Variants in RHPN2 observed in about 807,000 individuals in gnomAD.
RHPN2 encodes rhophilin-2.
RHPN2 carries 40 observed loss-of-function variants against 79.0 expected under a neutral mutation model. The ratio of observed to expected loss-of-function variants is 0.51; its 90% CI spans 0.39 to 0.66. The LOEUF (loss-of-function observed/expected upper bound fraction) is 0.66. RHPN2 is among the 30% of genes least tolerant of loss of function. The probability of loss-of-function intolerance (pLI) is 0.00; values close to 1 mark genes in which losing one functional copy is unlikely to be tolerated. For missense variants in RHPN2, 686 were observed against 883.5 expected (o/e 0.78, Z 2.83); for synonymous variants, 285 against 363.5 (o/e 0.78, Z 2.46).
At chr19:33,031,684 A>G (rs1972013301) in intron 2 of RHPN2, among the ~76,000 whole-genome samples, 1 of 150,344 alleles carries the variant, frequency 6.7e-6, no homozygotes, top group South Asian at 2.1e-4. Flanking sequence ...GCGCCTGGCT[A>G]ACGTAGGTTT....
At chr19:33,032,008 G>A (rs963445103) in intron 2 of RHPN2, among the ~76,000 whole-genome samples, 3 of 144,792 alleles carry the variant, frequency 2.1e-5, no homozygotes, top group Admixed American at 7.1e-5. Flanking sequence ...GTGAGCCACC[G>A]GGCCGGTCTT....
In RHPN2 at chr19:33,017,941, G is replaced by T. The variant is rs575560459; in HGVS notation, c.390+3630C>A. 2.0e-5 allele frequency among the ~76,000 whole-genome samples: 3 copies of T among 152,044 alleles called. No homozygotes were observed. In the East Asian group the frequency reaches 5.8e-4, roughly 29 times the overall value. On this transcript the variant is annotated intron_variant, in intron 4 of 14. Transcript: ENST00000254260. ...GAGCCTGAGGCAGGTGTATCATGAG[G>T]TCAGGAGTTCAAGATCAGCCTGGCC...
chr19:33,037,945 G>A (rs567481557), intron 2 of RHPN2, among the ~76,000 whole-genome samples: 1 of 152,142 alleles, frequency 6.6e-6, no homozygotes, highest in African/African-American at 2.4e-5. Flanking sequence ...GCTCACAGCT[G>A]TCATCGCAGC....
At chr19:33,038,051 T>C (rs924411275) in intron 2 of RHPN2, among the ~76,000 whole-genome samples, 1 of 151,906 alleles carries the variant, frequency 6.6e-6, no homozygotes, top group Non-Finnish European at 1.5e-5. Flanking sequence ...AAAAAATTTT[T>C]AAAATTAGCC....
chr19:33,038,423 G>T (rs1972075393), intron 2 of RHPN2, among the ~76,000 whole-genome samples: 1 of 152,012 alleles, frequency 6.6e-6, no homozygotes. Flanking sequence ...TGAACTCCAG[G>T]TTGGGCAACA....
rs371462562 is a variant in RHPN2, at chr19:32,999,646, T to C, written c.1165A>G (p.Met389Val). ...EKCLSQLYDH[M>V]PEGLTPLATL... is the part of the protein sequence containing the mutation. ...GCCAAGGGTGTCAGCCCCTCTGGCA[T>C]GTGGTCGTAGAGCTGGGACAGGCAC... is the stretch of plus-strand genomic sequence containing the variant. The change falls in exon 10 of 15, where the codon ATG becomes GTG. Residue 389 changes from methionine to valine, a missense_variant. Coordinates refer to ENST00000254260, the MANE Select transcript of RHPN2 (RefSeq NM_033103.5). The C allele has an allele frequency of 3.7e-6, 6 of 1,613,192 alleles. No homozygotes were observed. Among genetic ancestry groups the C allele is most frequent in the Non-Finnish European group, 5.1e-6 (6 of 1,179,416 alleles).
At chr19:33,055,398 G>T (rs967606513) in intron 1 of RHPN2, among the ~76,000 whole-genome samples, 3 of 151,686 alleles carry the variant, frequency 2.0e-5, no homozygotes, top group Non-Finnish European at 4.4e-5. Context: ...CCATCATGGG[G>T]AATCAGGAGT....
intron 1 of RHPN2, among the ~76,000 whole-genome samples, chr19:33,049,526 T>C (rs1972170578): frequency 6.6e-6 from 1 of 152,214 alleles, no homozygotes; most frequent in African/African-American, 2.4e-5. Flanking sequence ...TGAGCTGTCC[T>C]GACCTCGGGA....
chr19:33,008,794 G>C (rs974706457), intron 6 of RHPN2, among the ~76,000 whole-genome samples: 3 of 152,116 alleles, frequency 2.0e-5, no homozygotes, highest in Non-Finnish European at 4.4e-5. Flanking sequence ...AGTCAAGAAT[G>C]CATGTGCACT....
In RHPN2 at chr19:33,003,942, A is replaced by C. The variant is rs143433449; in HGVS notation, c.761-942T>G. Among the ~76,000 whole-genome samples the C allele has an allele frequency of 3.7e-4, 57 of 152,344 alleles. 1 individual carries two copies. Among genetic ancestry groups the C allele is most frequent in the African/African-American group, 1.3e-3 (53 of 41,582 alleles). On this transcript the variant is annotated intron_variant, in intron 7 of 14. Transcript: ENST00000254260. ...GTAATCCCAGCTATAAAGGAGGCTG[A>C]GGTGGGAGGGTTGCTTGACATTAAG... is the stretch of plus-strand genomic sequence containing the variant.
intron 1 of RHPN2, among the ~76,000 whole-genome samples, chr19:33,049,000 G>T (rs777374965): frequency 1.6e-4 from 24 of 151,834 alleles, no homozygotes; most frequent in Non-Finnish European, 2.9e-4. Flanking sequence ...CCCAACTTCT[G>T]CTGGCCTGGA....
chr19:33,057,308 AC>A (rs1288311687), intron 1 of RHPN2, among the ~76,000 whole-genome samples: 2 of 151,966 alleles, frequency 1.3e-5, no homozygotes, highest in African/African-American at 4.8e-5. Context: ...ATGCCACTGC[AC>A]TCCAGCCTGG....
At chr19:33,001,613 A>G (rs1971749801) in intron 9 of RHPN2, among the ~76,000 whole-genome samples, 1 of 152,104 alleles carries the variant, frequency 6.6e-6, no homozygotes, top group Admixed American at 6.6e-5. Context: ...TTTTATTATT[A>G]TTAGTTTTTT....
chr19:33,061,837 T>C (rs1679961455), intron 1 of RHPN2, among the ~76,000 whole-genome samples: 1 of 151,998 alleles, frequency 6.6e-6, no homozygotes, highest in Non-Finnish European at 1.5e-5. Context: ...ATTTTTATTT[T>C]TAAAATTTTT....
rs1971736746 is a variant in RHPN2 at position 33,000,045 on chromosome 19, AT to A, written c.1106-341del. 1.3e-5 allele frequency among the ~76,000 whole-genome samples: 2 copies of A among 151,990 alleles called. 1 individual carries two copies. On this transcript the variant is annotated intron_variant, in intron 9 of 14. Transcript: ENST00000254260. ...CACCACATGCCAGGCTAATTTTTAA[AT>A]TTTTTTGTAAAGACAAGGTCTTGCT...
rs200572600 is a variant in RHPN2 at position 33,010,682 on chromosome 19, CT to C, written c.593+996del. On this transcript the variant is annotated intron_variant, in intron 6 of 14. Coordinates refer to ENST00000254260, the MANE Select transcript of RHPN2 (RefSeq NM_033103.5). ...ACAGGTGTGAACCACCACGCCCAGCCTTTTTTTTTCTTGTTTGAAAAAGGGT... is the reference window on the plus strand; with the variant it reads ...ACAGGTGTGAACCACCACGCCCAGCCTTTTTTTTCTTGTTTGAAAAAGGGT... 1.6e-3 allele frequency among the ~76,000 whole-genome samples: 230 copies of C among 148,166 alleles called. 1 individual carries two copies. The highest frequency in any genetic ancestry group is 2.5e-3 in the Non-Finnish European group (167 of 67,020).
At chr19:33,056,652 A>G (rs1472068755) in intron 1 of RHPN2, among the ~76,000 whole-genome samples, 1 of 152,222 alleles carries the variant, frequency 6.6e-6, no homozygotes, top group African/African-American at 2.4e-5. Context: ...ATAGTAATAT[A>G]AGTTGAGAAA....
intron 6 of RHPN2, 147 bp downstream of exon 6, chr19:33,011,532 C>A: frequency 1.0e-6 from 1 of 957,564 alleles, no homozygotes; most frequent in Non-Finnish European, 1.6e-6. Context: ...GTATTGACAT[C>A]TTTTGAGACT....
chr19:33,000,945 T>TA, intron 9 of RHPN2, among the ~76,000 whole-genome samples: 1 of 152,154 alleles, frequency 6.6e-6, no homozygotes, highest in East Asian at 1.9e-4. Context: ...TCTCACCTAA[T>TA]AGACTATATA....
Sources: allele counts gnomAD v4.1 joint callset (sites outside exome capture counted in the v4.1 genomes callset), GRCh38; gene constraint gnomAD v4.1.1; transcripts MANE v1.5; gene names NCBI Gene and HGNC (gene_info 2026-07-23, HGNC 2026-07-21).